Variants in TMEM220 observed in about 807,000 individuals in gnomAD.
The protein encoded by TMEM220 is transmembrane protein 220.
In TMEM220, 21 loss-of-function variants were observed where a neutral mutation model predicts 21.7. That is an observed-to-expected ratio of 0.97 (90% CI 0.69 to 1.39). The LOEUF (loss-of-function observed/expected upper bound fraction) is 1.39. Ranked by LOEUF, TMEM220 falls within the 40% of genes most tolerant of loss-of-function variation. The pLI is 0.00. For synonymous variants in TMEM220, 80 were observed against 73.6 expected (o/e 1.09, Z -0.45); for missense variants, 191 against 201.9 (o/e 0.95, Z 0.33).
chr17:10,719,300 G>A (rs548133613), intron 5 of TMEM220, among the ~76,000 whole-genome samples: 16 of 151,916 alleles, frequency 1.1e-4, no homozygotes, highest in South Asian at 6.2e-4. Context: ...TATTTGAGAC[G>A]GAGTCTCTCT....
intron 4 of TMEM220, among the ~76,000 whole-genome samples, chr17:10,724,209 T>C (rs1045240833): frequency 6.6e-6 from 1 of 151,726 alleles, no homozygotes; most frequent in African/African-American, 2.4e-5. Flanking sequence ...AAGGAAGAGG[T>C]GATAAAATAG....
rs2075107524 is a variant in TMEM220, at chr17:10,729,916, T to C, written c.-65A>G. ...GTGCGGGGCGGTGAGTCCTGCCACG[T>C]ACGGTCCGCCTTCCTCCTTGCGCGG... On this transcript the variant is annotated 5_prime_UTR_variant, in exon 1 of 6. Coordinates refer to ENST00000341871, the MANE Select transcript of TMEM220 (RefSeq NM_001004313.3). 5.5e-6 allele frequency: 7 copies of C among 1,262,522 alleles called. No homozygotes were observed. The highest frequency in any genetic ancestry group is 6.0e-6 in the Non-Finnish European group (6 of 1,001,744). 78.2% of individuals were successfully genotyped at this position (1,262,522 alleles called of 1,614,324 possible).
In TMEM220 at chr17:10,715,592, TAAAG is replaced by T; in HGVS notation, c.348-8_348-5del. ...AATTCTTCCACCAACTGGATTCCTA[TAAAG>T]ACACAAAAATTATTATAAATAAAAA... is the stretch of plus-strand genomic sequence containing the variant. On this transcript the variant is annotated splice_region_variant and splice_polypyrimidine_tract_variant and intron_variant, in intron 5 of 5. Transcript: ENST00000341871. 6.4e-7 allele frequency: 1 copy of T among 1,565,882 alleles called. No individual in the cohort carries two copies. Among genetic ancestry groups the T allele is most frequent in the South Asian group, 1.2e-5 (1 of 81,350 alleles).
At position 10,729,591 on chromosome 17, in the gene TMEM220, C is replaced by G. The variant is rs1287705054; in HGVS notation, c.72+189G>C. ...GTGAGCCCTGGTATGGGACTCGCTT[C>G]CATGAACACATCCGCGTCTCTTAGA... On this transcript the variant is annotated intron_variant, in intron 1 of 5. Coordinates refer to ENST00000341871, the MANE Select transcript of TMEM220 (RefSeq NM_001004313.3). Among the ~76,000 whole-genome samples, 3 of 152,184 alleles carry G rather than the reference C, an allele frequency of 2.0e-5. No individual in the cohort carries two copies. In the East Asian group the frequency reaches 5.8e-4, roughly 29 times the overall value.
intron 5 of TMEM220, 144 bp downstream of exon 5, chr17:10,723,126 G>C: frequency 1.5e-6 from 1 of 663,536 alleles, no homozygotes; most frequent in Admixed American, 2.1e-5. Context: ...GACTACAGGC[G>C]CGTGCCACCA....
intron 2 of TMEM220, 137 bp downstream of exon 2, chr17:10,728,894 G>T (rs901055913): frequency 2.3e-6 from 2 of 882,984 alleles, no homozygotes; most frequent in Admixed American, 5.1e-5. Context: ...TTAGGAAAAA[G>T]CGCTTCCCAA....
intron 2 of TMEM220, 52 bp from the exon 3 acceptor site, chr17:10,726,316 A>G (rs371163779): frequency 1.4e-6 from 2 of 1,395,588 alleles, no homozygotes; most frequent in African/African-American, 2.8e-5. Context: ...TGCCCAATAT[A>G]TGAGATGTTC....
Position 10,729,023 on chromosome 17 carries a change from A to G in TMEM220, c.102+8T>C. 1.9e-6 allele frequency: 3 copies of G among 1,614,218 alleles called. No individual in the cohort carries two copies. Among genetic ancestry groups the G allele is most frequent in the Non-Finnish European group, 2.5e-6 (3 of 1,180,032 alleles). On this transcript the variant is annotated splice_region_variant and intron_variant, in intron 2 of 5. Coordinates refer to ENST00000341871, the MANE Select transcript of TMEM220 (RefSeq NM_001004313.3). Reference sequence around the variant, plus strand: ...ACGGAGGAAAGCCTGGAAGCGGCTCATACTCACCACCCACACCTCTGCATC... The same window carrying G: ...ACGGAGGAAAGCCTGGAAGCGGCTCGTACTCACCACCCACACCTCTGCATC...
intron 2 of TMEM220, 71 bp from the exon 3 acceptor site, chr17:10,726,335 AG>A: frequency 4.0e-6 from 5 of 1,262,170 alleles, no homozygotes; most frequent in Non-Finnish European, 5.8e-6. Context: ...TCAGAGATAC[AG>A]GAAGTAAAGA....
chr17:10,724,613 G>T, intron 4 of TMEM220: 1 of 166,042 alleles, frequency 6.0e-6, no homozygotes, highest in African/African-American at 2.4e-5. Flanking sequence ...CCTCTGAGAT[G>T]GCTGCTCATA....
In TMEM220 at chr17:10,724,719, G is replaced by A. The variant is rs561459402; in HGVS notation, c.287+292C>T. 6.6e-5 allele frequency among the ~76,000 whole-genome samples: 10 copies of A among 152,182 alleles called. No individual in the cohort carries two copies. In the South Asian group the frequency reaches 8.3e-4, roughly 13 times the overall value. On this transcript the variant is annotated intron_variant, in intron 4 of 5. Coordinates refer to ENST00000341871, the MANE Select transcript of TMEM220 (RefSeq NM_001004313.3). Reference sequence around the variant, plus strand: ...GGACTGAGTATTACTGTATCATACCGTTGCTAGTTACAAGGGGGCCAAAGT... The same window carrying A: ...GGACTGAGTATTACTGTATCATACCATTGCTAGTTACAAGGGGGCCAAAGT...
chr17:10,728,314 C>CT (rs202039505), intron 2 of TMEM220, among the ~76,000 whole-genome samples: 64,676 of 130,584 alleles, frequency 0.5, 16,621 homozygotes, highest in African/African-American at 0.65. Flanking sequence ...TTTTTCTTTG[C>CT]TTTTTTTTTT....
intron 1 of TMEM220, 130 bp downstream of exon 1, chr17:10,729,650 G>A (rs2075098969): frequency 9.3e-6 from 7 of 749,928 alleles, no homozygotes; most frequent in African/African-American, 7.4e-5. Flanking sequence ...CAAGCAGAAA[G>A]CCCAAGTCCC....
In TMEM220 at chr17:10,714,433, A is replaced by G. The variant is rs561461203; in HGVS notation, c.*1020T>C. The G allele has an allele frequency of 6.6e-6, 1 of 151,322 alleles. No homozygotes were observed. Among genetic ancestry groups the G allele is most frequent in the Middle Eastern group, 3.5e-3 (1 of 286 alleles). The allele number at this position is 151,322 out of a possible 1,614,324, so 9.4% of individuals were successfully genotyped here. On this transcript the variant is annotated 3_prime_UTR_variant, in exon 6 of 6. Coordinates refer to ENST00000341871, the MANE Select transcript of TMEM220 (RefSeq NM_001004313.3). ...CTAGGATTACTTTGGACATCCATTT[A>G]TAAAGAATGTATATAGATTTTGACC... is the stretch of plus-strand genomic sequence containing the variant.
rs2074876909 is a variant in TMEM220, at chr17:10,713,978, CCA to C, written c.*1473_*1474del. ...CTAGATCAGAAAAAACAGTATCTGA[CCA>C]CAGAGTTTGATGCTTGTGTATGTAA... On this transcript the variant is annotated 3_prime_UTR_variant, in exon 6 of 6. Transcript: ENST00000341871. 1 of 152,176 alleles carries C rather than the reference CCA, an allele frequency of 6.6e-6. No individual in the cohort carries two copies. Among genetic ancestry groups the C allele is most frequent in the Non-Finnish European group, 1.5e-5 (1 of 68,040 alleles). 9.4% of individuals were successfully genotyped at this position (152,176 alleles called of 1,614,324 possible). A position where few individuals can be genotyped will look rare whatever the true frequency, so the allele number is the denominator to read the frequency against.
intron 5 of TMEM220, among the ~76,000 whole-genome samples, chr17:10,719,907 A>C (rs1437242128): frequency 6.6e-6 from 1 of 152,228 alleles, no homozygotes; most frequent in East Asian, 1.9e-4. Flanking sequence ...TACATTGCTC[A>C]GAGATAGACC....
At chr17:10,721,818 C>T (rs971399935) in intron 5 of TMEM220, among the ~76,000 whole-genome samples, 15 of 151,920 alleles carry the variant, frequency 9.9e-5, no homozygotes, top group African/African-American at 3.6e-4. Flanking sequence ...AAAATATTCA[C>T]AAAAAGTTGT....
intron 1 of TMEM220, among the ~76,000 whole-genome samples, chr17:10,729,528 T>C (rs1344603603): frequency 6.6e-6 from 1 of 152,204 alleles, no homozygotes; most frequent in Non-Finnish European, 1.5e-5. Context: ...TGAGGTCCCC[T>C]GGGAAGTTCC....
intron 2 of TMEM220, among the ~76,000 whole-genome samples, chr17:10,728,703 T>C (rs2075082362): frequency 6.6e-6 from 1 of 152,078 alleles, no homozygotes; most frequent in African/African-American, 2.4e-5. Flanking sequence ...TTGCATTGAG[T>C]GTCTGGCTAG....
Sources: allele counts gnomAD v4.1 joint callset (sites outside exome capture counted in the v4.1 genomes callset), GRCh38; gene constraint gnomAD v4.1.1; transcripts MANE v1.5; gene names NCBI Gene and HGNC (gene_info 2026-07-23, HGNC 2026-07-21).